Variants in NETO1 observed in about 807,000 individuals in gnomAD.
The protein encoded by NETO1 is neuropilin and tolloid like 1.
NETO1 carries 26 observed loss-of-function variants against 61.3 expected under a neutral mutation model. The ratio of observed to expected loss-of-function variants is 0.42; its 90% confidence interval spans 0.31 to 0.59. The LOEUF (loss-of-function observed/expected upper bound fraction) is 0.59, where lower values mean the gene tolerates loss of function less well. NETO1 is among the 20% of genes least tolerant of loss of function. The probability of loss-of-function intolerance (pLI) is 0.12; values close to 1 mark genes in which losing one functional copy is unlikely to be tolerated. For synonymous variants in NETO1, 225 were observed against 225.8 expected, an observed-to-expected ratio of 1.00 and a Z score of 0.03; for missense variants, 531 against 662.8, an observed-to-expected ratio of 0.80 and a Z score of 2.18.
chr18:72,867,256 G>C lies in NETO1; in HGVS notation c.28+8C>G. 2 of 1,553,178 alleles carry C rather than the reference G, an allele frequency of 1.3e-6. No homozygotes were observed. The highest frequency in any genetic ancestry group is 1.7e-6 in the Non-Finnish European group (2 of 1,148,938). The stretch of plus-strand genomic sequence containing the variant: ...GGAGCGCACGGGCGCGGCGGGGAGG[G>C]TACTCACTGTGAAGCACGCTGCGCC... On this transcript the variant is annotated splice_region_variant and intron_variant, in intron 1 of 10. Transcript: ENST00000327305.
chr18:72,844,387 G>C (rs984520615), intron 4 of NETO1, among the ~76,000 whole-genome samples: 1 of 151,846 alleles, frequency 6.6e-6, no homozygotes. Context: ...CTGATACATC[G>C]CACTCTTCCA....
rs924443019 is a variant in NETO1 at position 72,747,247 on chromosome 18, T to C, written c.*932A>G. The C allele has an allele frequency of 4.6e-5, 7 of 151,908 alleles. No individual in the cohort carries two copies. Among genetic ancestry groups the C allele is most frequent in the African/African-American group, 1.7e-4 (7 of 41,420 alleles). 9.4% of individuals were successfully genotyped at this position (151,908 alleles called of 1,614,324 possible). A position where few individuals can be genotyped will look rare whatever the true frequency, so the allele number is the denominator to read the frequency against. On this transcript the variant is annotated 3_prime_UTR_variant, in exon 11 of 11. Transcript: ENST00000327305. ...AATTAGGAAATTATTATACATTTTA[T>C]ATATATTTATATAAAAAGTCGTAAG...
At position 72,850,174 on chromosome 18, in the gene NETO1, G is replaced by A. The variant is rs898282564; in HGVS notation, c.469+8652C>T. Among the ~76,000 whole-genome samples the A allele has an allele frequency of 2.0e-5, 3 of 152,138 alleles. No individual in the cohort carries two copies. The East Asian group carries it at 5.8e-4, about 29-fold the overall frequency. ...GTATATTATCTGGCTACTATACATG[G>A]CTTCTAGTTTTTAACAGACTATGAA... On this transcript the variant is annotated intron_variant, in intron 4 of 10. Transcript: ENST00000327305.
chr18:72,836,775 C>A (rs2073763140), intron 4 of NETO1, among the ~76,000 whole-genome samples: 1 of 151,990 alleles, frequency 6.6e-6, no homozygotes, highest in Non-Finnish European at 1.5e-5. Flanking sequence ...AGCTACTGAG[C>A]AATTTTAATC....
intron 1 of NETO1, among the ~76,000 whole-genome samples, chr18:72,865,948 T>C (rs574549790): frequency 6.6e-6 from 1 of 152,334 alleles, no homozygotes; most frequent in South Asian, 2.1e-4. Flanking sequence ...AGAAACGTGA[T>C]TTCCGAAAGC....
intron 6 of NETO1, among the ~76,000 whole-genome samples, chr18:72,784,692 T>A (rs893344996): frequency 6.6e-6 from 1 of 152,202 alleles, no homozygotes; most frequent in Non-Finnish European, 1.5e-5. Flanking sequence ...TTCACAACAT[T>A]ATGCTGCCTT....
intron 2 of NETO1, 30 bp from the exon 3 acceptor site, chr18:72,864,975 G>C (rs749819374): frequency 1.3e-6 from 2 of 1,565,692 alleles, no homozygotes; most frequent in East Asian, 2.2e-5. Flanking sequence ...GTTTTAAAAA[G>C]AGCCATCATC....
At position 72,772,563 on chromosome 18, in the gene NETO1, A is replaced by G. The variant is rs9807606; in HGVS notation, c.868+11115T>C. On this transcript the variant is annotated intron_variant, in intron 7 of 10. Coordinates refer to ENST00000327305, the MANE Select transcript of NETO1 (RefSeq NM_138966.5). ...CATAGAATTCTAGTCCAAAAAAGGAAGAATGGAGAATAAACAGGAGTAATG... is the reference window on the plus strand; with the variant it reads ...CATAGAATTCTAGTCCAAAAAAGGAGGAATGGAGAATAAACAGGAGTAATG... 2.3e-3 allele frequency among the ~76,000 whole-genome samples: 347 copies of G among 151,932 alleles called. 2 individuals carry two copies. The highest frequency in any genetic ancestry group is 7.7e-3 in the African/African-American group (321 of 41,448).
At chr18:72,801,529 A>T (rs1019043203) in intron 4 of NETO1, among the ~76,000 whole-genome samples, 1 of 152,192 alleles carries the variant, frequency 6.6e-6, no homozygotes, top group Non-Finnish European at 1.5e-5. Context: ...GGTGTAAATA[A>T]CATACATTTT....
rs546771333 is a variant in NETO1, at chr18:72,830,575, A to AT, written c.469+28250dup. On this transcript the variant is annotated intron_variant, in intron 4 of 10. Transcript: ENST00000327305. The surrounding 1 kb of genome is among the most constrained non-coding windows in gnomAD (Gnocchi z 4.9). Reference sequence around the variant, plus strand: ...AGATGTATTACAGAAGACTGCCAGAATTTTTTAGGAGCAGCTTTTGGTGTG... The same window carrying AT: ...AGATGTATTACAGAAGACTGCCAGAATTTTTTTAGGAGCAGCTTTTGGTGTG... Among the ~76,000 whole-genome samples the AT allele has an allele frequency of 1.3e-4, 20 of 152,166 alleles. No individual in the cohort carries two copies. The highest frequency in any genetic ancestry group is 2.9e-4 in the African/African-American group (12 of 41,428).
intron 4 of NETO1, among the ~76,000 whole-genome samples, chr18:72,808,362 G>A (rs184769618): frequency 4.0e-5 from 6 of 151,850 alleles, no homozygotes; most frequent in Non-Finnish European, 7.4e-5. Flanking sequence ...AGGTTGCAGA[G>A]GAGGAAAATG....
chr18:72,780,548 C>A (rs915240154), intron 7 of NETO1, among the ~76,000 whole-genome samples: 1 of 152,144 alleles, frequency 6.6e-6, no homozygotes, highest in Non-Finnish European at 1.5e-5. Context: ...TTCACCTAAC[C>A]TACACAGATG....
intron 4 of NETO1, among the ~76,000 whole-genome samples, chr18:72,833,052 C>T (rs573086379): frequency 6.6e-6 from 1 of 152,282 alleles, no homozygotes; most frequent in East Asian, 1.9e-4. Flanking sequence ...GGACTGTAGT[C>T]TCCATAGTCT....
At chr18:72,762,000 C>T (rs964378312) in intron 7 of NETO1, among the ~76,000 whole-genome samples, 1 of 152,052 alleles carries the variant, frequency 6.6e-6, no homozygotes, top group South Asian at 2.1e-4. Flanking sequence ...CAAATATTTC[C>T]AATCTTACTT....
Position 72,790,893 on chromosome 18 carries a change from C to A in NETO1, c.639+3224G>T, listed in dbSNP as rs373958014. 2.8e-3 allele frequency among the ~76,000 whole-genome samples: 429 copies of A among 152,166 alleles called. 2 individuals are homozygous for A. The highest frequency in any genetic ancestry group is 9.9e-3 in the African/African-American group (410 of 41,508). ...GTATCTGGAGATAAATATGGTCCAG[C>A]CTTCATGAAATTAATAGTTACCATG... On this transcript the variant is annotated intron_variant, in intron 6 of 10. Coordinates refer to ENST00000327305, the MANE Select transcript of NETO1 (RefSeq NM_138966.5).
At chr18:72,806,760 T>C (rs544201757) in intron 4 of NETO1, among the ~76,000 whole-genome samples, 1 of 152,286 alleles carries the variant, frequency 6.6e-6, no homozygotes, top group East Asian at 1.9e-4. Flanking sequence ...CTGACTTCCA[T>C]TTCTTAGACC....
chr18:72,848,603 T>C (rs1470148647), intron 4 of NETO1, among the ~76,000 whole-genome samples: 2 of 152,098 alleles, frequency 1.3e-5, no homozygotes, highest in Non-Finnish European at 2.9e-5. Flanking sequence ...ATTCACCAGT[T>C]CCAAGCAGTT....
chr18:72,825,598 T>C lies in NETO1; in HGVS notation c.470-31194A>G, dbSNP rs2073349342. On this transcript the variant is annotated intron_variant, in intron 4 of 10. Coordinates refer to ENST00000327305, the MANE Select transcript of NETO1 (RefSeq NM_138966.5). ...ACTTCTAAAAACATTTATTCTACTA[T>C]TATTTTTCTCACTTTTGGAGATAAT... is the stretch of plus-strand genomic sequence containing the variant. Among the ~76,000 whole-genome samples the C allele has an allele frequency of 2.6e-5, 4 of 152,264 alleles. No individual in the cohort carries two copies. The South Asian group carries it at 8.3e-4, about 32-fold the overall frequency.
At chr18:72,846,795 G>T (rs1469230590) in intron 4 of NETO1, among the ~76,000 whole-genome samples, 1 of 152,164 alleles carries the variant, frequency 6.6e-6, no homozygotes, top group Non-Finnish European at 1.5e-5. Context: ...TGAAAGACCA[G>T]TTCATTTTAT....
Sources: gnomAD v4.1 joint callset for allele counts (sites outside exome capture counted in the v4.1 genomes callset) on GRCh38, gnomAD v4.1.1 for gene constraint, Gnocchi (gnomAD v3.1) non-coding constraint, MANE v1.5 for transcripts, NCBI Gene and HGNC (gene_info 2026-07-23, HGNC 2026-07-21) for gene names.